Variants in CDK5RAP2 observed in about 807,000 individuals in gnomAD.
The protein encoded by CDK5RAP2 is CDK5 regulatory subunit-associated protein 2.
A neutral mutation model predicts 232.9 loss-of-function variants in CDK5RAP2; 147 were observed. The ratio of observed to expected loss-of-function variants is 0.63; its 90% CI spans 0.55 to 0.72. CDK5RAP2 has a LOEUF of 0.72. Ranked by LOEUF, CDK5RAP2 falls within the 30% of genes least tolerant of loss-of-function variation. The probability of loss-of-function intolerance (pLI) is 0.00; values close to 1 mark genes in which losing one functional copy is unlikely to be tolerated. For synonymous variants in CDK5RAP2, 833 were observed against 833.7 expected (o/e 1.00, Z 0.01); for missense variants, 2,195 against 2,231.5 (o/e 0.98, Z 0.33).
intron 7 of CDK5RAP2, among the ~76,000 whole-genome samples, chr9:120,531,808 T>C (rs182188260): frequency 6.6e-6 from 1 of 152,156 alleles, no homozygotes; most frequent in East Asian, 1.9e-4. Context: ...CTAAAGCACC[T>C]AGCAATGCAC....
At chr9:120,515,487 T>C (rs112917151) in intron 12 of CDK5RAP2, among the ~76,000 whole-genome samples, 4,906 of 152,338 alleles carry the variant, frequency 0.032, 262 homozygotes, top group African/African-American at 0.11. Flanking sequence ...AGGAGTTACG[T>C]ATTGTAATTC....
chr9:120,496,721 G>A (rs1223076546), intron 12 of CDK5RAP2, among the ~76,000 whole-genome samples: 5 of 129,876 alleles, frequency 3.8e-5, no homozygotes, highest in East Asian at 2.6e-4. Context: ...CAGCCGCCCC[G>A]TTCGGGAGGG....
rs764937656 is a variant in CDK5RAP2, at chr9:120,471,896, C to A, written c.1728-18G>T. ...TGTTGATACTTGGTAAAACAAGACA[C>A]CAGAAGTTTTAAAACAGACCTATTT... On this transcript the variant is annotated intron_variant, in intron 15 of 37. Coordinates refer to ENST00000349780, the MANE Select transcript of CDK5RAP2 (RefSeq NM_018249.6). The A allele has an allele frequency of 6.2e-7, 1 of 1,613,922 alleles. No homozygotes were observed. The highest frequency in any genetic ancestry group is 8.5e-7 in the Non-Finnish European group (1 of 1,179,920).
Position 120,550,920 on chromosome 9 carries a change from A to C in CDK5RAP2, c.196-18T>G. 6.8e-7 allele frequency: 1 copy of C among 1,471,870 alleles called. No individual in the cohort carries two copies. Among genetic ancestry groups the C allele is most frequent in the Non-Finnish European group, 9.5e-7 (1 of 1,050,264 alleles). The allele number at this position is 1,471,870 out of a possible 1,614,324, so 91.2% of individuals were successfully genotyped here. A position where few individuals can be genotyped will look rare whatever the true frequency, so the allele number is the denominator to read the frequency against. ...GTGATTTGCTGAAAAATATCACAGA[A>C]GGGTCATCAAAAGCAAACAAAAGAC... On this transcript the variant is annotated intron_variant, in intron 3 of 37. Transcript: ENST00000349780.
At chr9:120,551,820 C>T (rs945696355) in intron 3 of CDK5RAP2, among the ~76,000 whole-genome samples, 8 of 152,072 alleles carry the variant, frequency 5.3e-5, no homozygotes, top group Non-Finnish European at 1.0e-4. Flanking sequence ...TATGATTTTA[C>T]AGGAAAATGT....
At chr9:120,527,971 C>A in intron 9 of CDK5RAP2, 46 bp from the exon 10 acceptor site, 1 of 1,608,106 alleles carries the variant, frequency 6.2e-7, no homozygotes, top group South Asian at 1.1e-5. Flanking sequence ...GCGTTCCAAC[C>A]AAAATGCACC....
chr9:120,403,784 C>T lies in CDK5RAP2; in HGVS notation c.5041+252G>A. 2 of 533,344 alleles carry T rather than the reference C, an allele frequency of 3.7e-6. No homozygotes were observed. Among genetic ancestry groups the T allele is most frequent in the South Asian group, 4.0e-5 (2 of 49,588 alleles). The allele number at this position is 533,344 out of a possible 1,614,324, so 33.0% of individuals were successfully genotyped here. A position where few individuals can be genotyped will look rare whatever the true frequency, so the allele number is the denominator to read the frequency against. ...CTGGATCCTGGAGGGCCTTGAAAGC[C>T]TCACAAAGGTGGTCACAATTTTAAT... On this transcript the variant is annotated intron_variant, in intron 33 of 37. Coordinates refer to ENST00000349780, the MANE Select transcript of CDK5RAP2 (RefSeq NM_018249.6). The surrounding 1 kb of genome is among the most constrained non-coding windows in gnomAD (Gnocchi z 4.2).
Position 120,424,944 on chromosome 9 carries a change from G to A in CDK5RAP2, c.3956-2203C>T, listed in dbSNP as rs529169008. Among the ~76,000 whole-genome samples, 254 of 152,192 alleles carry A rather than the reference G, an allele frequency of 1.7e-3. 2 individuals are homozygous for A. The highest frequency in any genetic ancestry group is 1.3e-3 in the Non-Finnish European group (85 of 67,990). ...ACTCCTGGCCTCAAGTGATCCACCT[G>A]CCTTGACCTCCCAAAGTGCTAGGAT... On this transcript the variant is annotated intron_variant, in intron 25 of 37. Coordinates refer to ENST00000349780, the MANE Select transcript of CDK5RAP2 (RefSeq NM_018249.6).
At chr9:120,563,270 C>G (rs993289273) in intron 3 of CDK5RAP2, among the ~76,000 whole-genome samples, 2 of 152,156 alleles carry the variant, frequency 1.3e-5, no homozygotes, top group African/African-American at 4.8e-5. Context: ...GGCTGAGGAA[C>G]AGCAGCCTGT....
chr9:120,456,899 T>C (rs1303150852), intron 20 of CDK5RAP2, among the ~76,000 whole-genome samples: 1 of 152,248 alleles, frequency 6.6e-6, no homozygotes, highest in Admixed American at 6.5e-5. Flanking sequence ...GTTATTTTGC[T>C]AGAAATCTGA....
At chr9:120,528,719 A>AT (rs774210230) in intron 9 of CDK5RAP2, 25 bp downstream of exon 9, 237 of 1,455,802 alleles carry the variant, frequency 1.6e-4, no homozygotes, top group Non-Finnish European at 2.2e-4. Flanking sequence ...TCTTCAATAC[A>AT]TTTTTTAAAA....
chr9:120,400,392 C>CT (rs560795450), intron 35 of CDK5RAP2, among the ~76,000 whole-genome samples: 22 of 152,196 alleles, frequency 1.4e-4, no homozygotes, highest in Non-Finnish European at 2.5e-4. Flanking sequence ...CAAATTAGGA[C>CT]TTAGAGCCTA....
In CDK5RAP2 at chr9:120,579,911, C is replaced by A; in HGVS notation, c.59+9G>T. 6.2e-7 allele frequency: 1 copy of A among 1,610,884 alleles called. No homozygotes were observed. The highest frequency in any genetic ancestry group is 8.5e-7 in the Non-Finnish European group (1 of 1,177,100). The stretch of plus-strand genomic sequence containing the variant: ...CCGGTTACCACGACCACCAATGCCC[C>A]GGCCGCACCTGCAGCCGCTGAGCGT... On this transcript the variant is annotated intron_variant, in intron 1 of 37. Coordinates refer to ENST00000349780, the MANE Select transcript of CDK5RAP2 (RefSeq NM_018249.6).
chr9:120,478,432 G>C (rs760287262), intron 14 of CDK5RAP2, among the ~76,000 whole-genome samples: 3 of 152,182 alleles, frequency 2.0e-5, no homozygotes, highest in Non-Finnish European at 4.4e-5. Context: ...AGTTACGCAA[G>C]ATGAATAAAT....
chr9:120,500,356 A>G (rs2039517729), intron 12 of CDK5RAP2, among the ~76,000 whole-genome samples: 1 of 152,184 alleles, frequency 6.6e-6, no homozygotes, highest in Non-Finnish European at 1.5e-5. Context: ...GCCTAAGGGT[A>G]AGCATGTTTT....
intron 16 of CDK5RAP2, among the ~76,000 whole-genome samples, chr9:120,470,674 C>A (rs2037647094): frequency 1.3e-5 from 2 of 151,010 alleles, no homozygotes; most frequent in South Asian, 4.2e-4. Flanking sequence ...GGCCCCAGAA[C>A]CCTCATGGGA....
chr9:120,451,542 T>C (rs1021569037), intron 21 of CDK5RAP2, among the ~76,000 whole-genome samples: 2 of 152,102 alleles, frequency 1.3e-5, no homozygotes, highest in Non-Finnish European at 2.9e-5. Context: ...TTAAAAGAGG[T>C]AAGCCATAGG....
chr9:120,437,937 C>A (rs2035681574), intron 24 of CDK5RAP2, among the ~76,000 whole-genome samples: 1 of 152,182 alleles, frequency 6.6e-6, no homozygotes, highest in African/African-American at 2.4e-5. Context: ...GGACTCTCTC[C>A]TCCCGAACAA....
intron 18 of CDK5RAP2, 76 bp from the exon 19 acceptor site, chr9:120,460,743 G>C: frequency 6.3e-7 from 1 of 1,582,912 alleles, no homozygotes; most frequent in Non-Finnish European, 8.6e-7. Context: ...ATAAGTCAGT[G>C]ATGTCTTTTT....
Sources: allele counts gnomAD v4.1 joint callset (sites outside exome capture counted in the v4.1 genomes callset), GRCh38; gene constraint gnomAD v4.1.1; non-coding constraint Gnocchi (gnomAD v3.1); transcripts MANE v1.5; gene names NCBI Gene and HGNC (gene_info 2026-07-23, HGNC 2026-07-21).